The following RNF144A variants were observed in gnomAD, a reference collection of about 807,000 sequenced individuals.
RNF144A encodes ring finger protein 144A.
A neutral mutation model predicts 38.7 loss-of-function variants in RNF144A; 11 were observed. The observed-to-expected ratio is 0.28, with a 90% CI of 0.18 to 0.47. RNF144A has a LOEUF of 0.47. Ranked by LOEUF, RNF144A falls within the 20% of genes least tolerant of loss-of-function variation. The pLI is 0.99. For missense variants in RNF144A, 316 were observed against 377.2 expected, an observed-to-expected ratio of 0.84 and a Z score of 1.34; for synonymous variants, 149 against 143.9, an observed-to-expected ratio of 1.04 and a Z score of -0.25.
chr2:7,032,289 CTGGAA>C (rs1672358130), intron 8 of RNF144A, among the ~76,000 whole-genome samples: 1 of 149,344 alleles, frequency 6.7e-6, no homozygotes, highest in Non-Finnish European at 1.5e-5. Context: ...TGCAGCTCTG[CTGGAA>C]TCCGCGCCCC....
At chr2:6,999,841 T>C (rs555107028) in intron 3 of RNF144A, among the ~76,000 whole-genome samples, 5 of 152,332 alleles carry the variant, frequency 3.3e-5, no homozygotes, top group East Asian at 1.9e-4. Context: ...AGAACACTTA[T>C]CTCAAGAGAT....
intron 6 of RNF144A, among the ~76,000 whole-genome samples, chr2:7,059,737 A>C (rs547845339): frequency 6.6e-6 from 1 of 152,332 alleles, no homozygotes; most frequent in South Asian, 2.1e-4. Context: ...GATGCTGAGC[A>C]CTGAGAACCC....
rs1004882058 is a variant in RNF144A, at chr2:7,042,889, C to T, written c.*3129C>T. 3.9e-5 allele frequency: 38 copies of T among 978,960 alleles called. No homozygotes were observed. The highest frequency in any genetic ancestry group is 1.2e-4 in the African/African-American group (7 of 57,142). 60.6% of individuals were successfully genotyped at this position (978,960 alleles called of 1,614,324 possible). On this transcript the variant is annotated 3_prime_UTR_variant, in exon 9 of 9. Transcript: ENST00000320892. Reference sequence around the variant, plus strand: ...TCTTTCTTTTTTTTTCTTTTTGAGACGGAGTTTCGCTTTTGTCCCCCAAGC... The same window carrying T: ...TCTTTCTTTTTTTTTCTTTTTGAGATGGAGTTTCGCTTTTGTCCCCCAAGC...
At chr2:6,993,203 G>T (rs1324537036) in intron 2 of RNF144A, among the ~76,000 whole-genome samples, 1 of 152,172 alleles carries the variant, frequency 6.6e-6, no homozygotes, top group Non-Finnish European at 1.5e-5. Context: ...ACAACTCAGA[G>T]ACTGTGTATT....
At chr2:6,996,572 G>A (rs772486649) in intron 2 of RNF144A, among the ~76,000 whole-genome samples, 15 of 152,106 alleles carry the variant, frequency 9.9e-5, no homozygotes, top group African/African-American at 1.4e-4. Context: ...GGCTAACATG[G>A]TGAAACCCCA....
At chr2:7,017,007 T>C (rs1430990391) in intron 5 of RNF144A, among the ~76,000 whole-genome samples, 1 of 151,924 alleles carries the variant, frequency 6.6e-6, no homozygotes, top group African/African-American at 2.4e-5. Flanking sequence ...GGAAGCTGAG[T>C]TTTCATTCTG....
At chr2:7,013,491 TTGTTGCTAATATGAACTTTAAATA>T (rs1670945850) in intron 3 of RNF144A, among the ~76,000 whole-genome samples, 1 of 152,242 alleles carries the variant, frequency 6.6e-6, no homozygotes, top group South Asian at 2.1e-4. Context: ...ATATTATATA[TTGTTGCTAATATGAACTTTAAATA>T]TACTGGGACT....
chr2:6,996,091 C>T (rs1412925961), intron 2 of RNF144A, among the ~76,000 whole-genome samples: 1 of 152,130 alleles, frequency 6.6e-6, no homozygotes, highest in African/African-American at 2.4e-5. Flanking sequence ...GGTCCTTGTG[C>T]CTTGTCTTCT....
At chr2:7,055,433 A>G (rs1234474719) in intron 6 of RNF144A, among the ~76,000 whole-genome samples, 1 of 152,222 alleles carries the variant, frequency 6.6e-6, no homozygotes, top group Non-Finnish European at 1.5e-5. Context: ...CTGCAGCTCC[A>G]TAACTTAGTA....
chr2:7,068,677 G>A (rs1674336399), downstream of RNF144A, among the ~76,000 whole-genome samples: 1 of 152,204 alleles, frequency 6.6e-6, no homozygotes, highest in African/African-American at 2.4e-5. Context: ...GAAGCAGCTG[G>A]GTATGAGTGA....
At chr2:6,984,931 C>T (rs1388077296) in intron 2 of RNF144A, among the ~76,000 whole-genome samples, 1 of 152,204 alleles carries the variant, frequency 6.6e-6, no homozygotes, top group East Asian at 1.9e-4. Flanking sequence ...TATGTTTTGC[C>T]TCCCTCACTG....
intron 1 of RNF144A, among the ~76,000 whole-genome samples, chr2:6,923,284 C>A (rs1037806959): frequency 6.6e-6 from 1 of 152,204 alleles, no homozygotes; most frequent in African/African-American, 2.4e-5. Context: ...AACGGAAATG[C>A]GCTGAAGCTG....
intron 5 of RNF144A, among the ~76,000 whole-genome samples, chr2:7,017,697 C>A (rs1290154687): frequency 6.6e-6 from 1 of 152,190 alleles, no homozygotes; most frequent in Non-Finnish European, 1.5e-5. Flanking sequence ...TGCCAAAAAG[C>A]ATATCATTTG....
intron 2 of RNF144A, among the ~76,000 whole-genome samples, chr2:6,979,311 G>T (rs137915529): frequency 2.1e-4 from 32 of 152,222 alleles, no homozygotes; most frequent in Non-Finnish European, 4.1e-4. Context: ...TTTTTTCCTG[G>T]TTATTAGGAC....
intron 5 of RNF144A, among the ~76,000 whole-genome samples, chr2:7,020,012 G>C (rs1292573560): frequency 6.6e-6 from 1 of 152,216 alleles, no homozygotes; most frequent in Non-Finnish European, 1.5e-5. Context: ...TTTTCCTGGT[G>C]CTGGCTGTAT....
At chr2:7,031,399 A>G (rs984363314) in intron 8 of RNF144A, among the ~76,000 whole-genome samples, 2 of 152,220 alleles carry the variant, frequency 1.3e-5, no homozygotes, top group Admixed American at 1.3e-4. Flanking sequence ...AGGACACAGA[A>G]CCTAATAAAT....
intron 1 of RNF144A, among the ~76,000 whole-genome samples, chr2:6,935,102 C>G (rs12692329): frequency 0.33 from 50,360 of 152,106 alleles, 8,648 homozygotes; most frequent in South Asian, 0.41. Flanking sequence ...CATCCCTCTT[C>G]CTTCTTCTCT....
At chr2:7,076,330 C>T in the RNF144A span, among the ~76,000 whole-genome samples, 1 of 152,224 alleles carries the variant, frequency 6.6e-6, no homozygotes, top group South Asian at 2.1e-4. Context: ...TGGTTGTTTT[C>T]CCATTTTTGG....
chr2:6,977,821 G>T (rs1166135299), intron 2 of RNF144A, among the ~76,000 whole-genome samples: 1 of 152,148 alleles, frequency 6.6e-6, no homozygotes, highest in Non-Finnish European at 1.5e-5. Context: ...GAGACAAAAA[G>T]AACATAAAGG....
Sources: gnomAD v4.1 joint callset for allele counts (sites outside exome capture counted in the v4.1 genomes callset) on GRCh38, gnomAD v4.1.1 for gene constraint, MANE v1.5 for transcripts, NCBI Gene and HGNC (gene_info 2026-07-23, HGNC 2026-07-21) for gene names.